OCRL: variants seen among roughly 807,000 people sequenced by gnomAD.
OCRL encodes the protein inositol polyphosphate 5-phosphatase OCRL.
In OCRL, 8 loss-of-function variants were observed where a neutral mutation model predicts 78.9. The ratio of observed to expected loss-of-function variants is 0.10; its 90% CI spans 0.06 to 0.18. The LOEUF (loss-of-function observed/expected upper bound fraction) is 0.18. Among genes scored for constraint, OCRL ranks in the 10% least tolerant of loss-of-function variants. The pLI is 1.00. For missense variants in OCRL, 454 were observed against 696.7 expected (o/e 0.65, Z 3.92); for synonymous variants, 240 against 235.4 (o/e 1.02, Z -0.18).
In OCRL at chrX:129,591,784, G is replaced by GAGTT. The variant is rs1388040742; in HGVS notation, c.*1516_*1519dup. On this transcript the variant is annotated 3_prime_UTR_variant, in exon 24 of 24. Transcript: ENST00000371113. Reference sequence around the variant, plus strand: ...TATGGCTAAACCCTTTCCTGATTGAGAGTTAAAGCAATAGGAGTCAAGTTA... The same window carrying GAGTT: ...TATGGCTAAACCCTTTCCTGATTGAGAGTTAGTTAAAGCAATAGGAGTCAAGTTA... The GAGTT allele has an allele frequency of 8.9e-6, 1 of 112,028 alleles. No individual in the cohort carries two copies. The highest frequency in any genetic ancestry group is 1.9e-5 in the Non-Finnish European group (1 of 53,173). The allele number at this position is 112,028 out of a possible 1,213,427, so 9.2% of individuals were successfully genotyped here. A position where few individuals can be genotyped will look rare whatever the true frequency, so the allele number is the denominator to read the frequency against.
rs1358069294 is a variant in OCRL at position 129,569,319 on chromosome X, G to A, written c.1522G>A (p.Val508Ile). ...CDRILWRGTNVNQLNYRSHME... is the reference protein window; with the variant it reads ...CDRILWRGTNINQLNYRSHME... ...CCGAATTCTTTGGAGAGGAACAAAT[G>A]TTAATCAGCTTAATTATCGGAGTCA... Residue 508 changes from valine to isoleucine, a missense_variant, in exon 15 of 24, where the codon GTT becomes ATT. Physicochemically the swap from Val to Ile is conservative, Grantham distance 29. Around this residue, in one of 2 missense-constraint regions of OCRL, gnomAD observed 277 missense variants for 517.1 expected, o/e 0.54. Transcript: ENST00000371113. 2.0e-5 allele frequency: 24 copies of A among 1,209,645 alleles called. No individual in the cohort carries two copies. Among genetic ancestry groups the A allele is most frequent in the Non-Finnish European group, 2.5e-5 (22 of 894,619 alleles).
intron 15 of OCRL, among the ~76,000 whole-genome samples, chrX:129,573,495 C>A (rs1275598181): frequency 8.9e-6 from 1 of 111,748 alleles, no homozygotes; most frequent in Admixed American, 9.5e-5. Flanking sequence ...GTTTTCTGTT[C>A]CTGTGTTAGT....
Position 129,557,928 on chromosome X carries a change from G to C in OCRL, c.417G>C (p.Lys139Asn). Reference protein sequence around the residue: ...SSSWYQKLDTKDKPSVFSGLL... With the variant: ...SSSWYQKLDTNDKPSVFSGLL... ...GCTGGTACCAGAAATTAGACACTAA[G>C]GACAAACCTTCTGTTTTTTCAGGTA... The change falls in exon 6 of 24, where the codon AAG becomes AAC. Residue 139 changes from lysine to asparagine, a missense_variant. Physicochemically the swap from Lys to Asn is moderately conservative, Grantham distance 94. Transcript: ENST00000371113. The C allele has an allele frequency of 1.7e-6, 2 of 1,192,892 alleles. No homozygotes were observed. Among genetic ancestry groups the C allele is most frequent in the Non-Finnish European group, 2.3e-6 (2 of 878,159 alleles).
chrX:129,583,956 A>C (rs1383872179), intron 18 of OCRL, among the ~76,000 whole-genome samples: 2 of 110,035 alleles, frequency 1.8e-5, no homozygotes, highest in Non-Finnish European at 3.8e-5. Flanking sequence ...CTCCTTCCAG[A>C]TGGCCACTGT....
Position 129,576,343 on chromosome X carries a change from G to A in OCRL, c.1906G>A (p.Val636Met), listed in dbSNP as rs1339686287. Residue 636 changes from valine (V) to methionine (M), a missense_variant, in exon 18 of 24, where the codon GTG becomes ATG. Around this residue, in one of 2 missense-constraint regions of OCRL, gnomAD observed 277 missense variants for 517.1 expected, o/e 0.54. Transcript: ENST00000371113. ...PNETVDISLDVYVSKDSVTIL... is the reference protein window; with the variant it reads ...PNETVDISLDMYVSKDSVTIL... ...TGAGACAGTGGACATTTCTCTTGAT[G>A]TGTATGTCAGCAAAGACTCTGTAAC... 2 of 1,208,369 alleles carry A rather than the reference G, an allele frequency of 1.7e-6. No homozygotes were observed. Among genetic ancestry groups the A allele is most frequent in the Admixed American group, 2.2e-5 (1 of 46,030 alleles).
intron 3 of OCRL, among the ~76,000 whole-genome samples, chrX:129,547,387 T>C (rs1037445341): frequency 1.8e-4 from 20 of 108,652 alleles, no homozygotes; most frequent in East Asian, 1.2e-3. Context: ...TAGCCGGGCA[T>C]GGTGGCGGGT....
intron 18 of OCRL, among the ~76,000 whole-genome samples, chrX:129,582,047 A>C (rs1386068467): frequency 1.8e-5 from 2 of 108,189 alleles, no homozygotes; most frequent in Admixed American, 1.0e-4. Context: ...TGACTTCAAC[A>C]TACCTTTTCA....
chrX:129,588,833 C>T, intron 21 of OCRL, 53 bp from the exon 22 acceptor site: 3 of 1,203,420 alleles, frequency 2.5e-6, no homozygotes, highest in South Asian at 1.8e-5. Flanking sequence ...CTCGTCGGGG[C>T]TCTGTGTGGC....
rs143968532 is a variant in OCRL at position 129,572,224 on chromosome X, G to A, written c.1602+2825G>A. Among the ~76,000 whole-genome samples, 10 of 111,512 alleles carry A rather than the reference G, an allele frequency of 9.0e-5. 1 individual carries two copies. The East Asian group carries it at 2.8e-3, about 31-fold the overall frequency. Reference sequence around the variant, plus strand: ...TTGTGTGTGTCTCTATATCATAAACGGTCTTATATGTATGTGTTGGTCTGC... The same window carrying A: ...TTGTGTGTGTCTCTATATCATAAACAGTCTTATATGTATGTGTTGGTCTGC... On this transcript the variant is annotated intron_variant, in intron 15 of 23. Transcript: ENST00000371113.
intron 6 of OCRL, among the ~76,000 whole-genome samples, chrX:129,558,325 A>G (rs1043796787): frequency 4.5e-5 from 5 of 112,074 alleles, no homozygotes; most frequent in Non-Finnish European, 9.4e-5. Flanking sequence ...AGTTTTTGTG[A>G]TGATTAAGTG....
At chrX:129,545,605 C>G (rs989858954) in intron 3 of OCRL, among the ~76,000 whole-genome samples, 3 of 112,044 alleles carry the variant, frequency 2.7e-5, no homozygotes, top group Admixed American at 9.5e-5. Context: ...GTTGTTTCAT[C>G]TGCTACAATG....
At chrX:129,580,746 CT>C (rs1936428252) in intron 18 of OCRL, among the ~76,000 whole-genome samples, 2 of 112,232 alleles carry the variant, frequency 1.8e-5, no homozygotes, top group Admixed American at 9.4e-5. Flanking sequence ...TATGTTTTTA[CT>C]TTGTCTTACT....
intron 4 of OCRL, 150 bp from the exon 5 acceptor site, chrX:129,557,175 C>T (rs1936065691): frequency 1.9e-6 from 1 of 517,789 alleles, no homozygotes; most frequent in African/African-American, 2.3e-5. Flanking sequence ...CATACTGACT[C>T]TCTTGATCTT....
Position 129,540,427 on chromosome X carries a change from G to A in OCRL, c.-13G>A. 8.7e-7 allele frequency: 1 copy of A among 1,155,784 alleles called. No individual in the cohort carries two copies. The highest frequency in any genetic ancestry group is 1.1e-6 in the Non-Finnish European group (1 of 871,420). On this transcript the variant is annotated 5_prime_UTR_variant, in exon 1 of 24. Transcript: ENST00000371113. ...CGCAGTCCGCTGTCCTGCTGAGCCC[G>A]GAGGCCGCCTGGATGGAGCCGCCGC...
intron 18 of OCRL, among the ~76,000 whole-genome samples, 176 bp downstream of exon 18, chrX:129,576,728 G>A (rs1299671181): frequency 8.9e-6 from 1 of 111,884 alleles, no homozygotes; most frequent in Non-Finnish European, 1.9e-5. Flanking sequence ...GGGAAAGAGG[G>A]GGGACTAATC....
In OCRL at chrX:129,562,268, G is replaced by T. The variant is rs1936155898; in HGVS notation, c.940-116G>T. ...GGTCCACTGAGAAATTAGAGGATAT[G>T]AAGTCAGATTTGGGCACTAGTATAT... On this transcript the variant is annotated intron_variant, in intron 10 of 23. Coordinates refer to ENST00000371113, the MANE Select transcript of OCRL (RefSeq NM_000276.4). The T allele has an allele frequency of 8.4e-6, 5 of 592,313 alleles. No individual in the cohort carries two copies. The African/African-American group carries it at 8.9e-5, about 10-fold the overall frequency. The allele number at this position is 592,313 out of a possible 1,213,427, so 48.8% of individuals were successfully genotyped here. A position where few individuals can be genotyped will look rare whatever the true frequency, so the allele number is the denominator to read the frequency against.
Position 129,561,085 on chromosome X carries a change from T to A in OCRL, c.825-94T>A. 8.3e-6 allele frequency: 5 copies of A among 603,234 alleles called. No homozygotes were observed. The South Asian group carries it at 9.2e-5, about 11-fold the overall frequency. 49.7% of individuals were successfully genotyped at this position (603,234 alleles called of 1,213,427 possible). On this transcript the variant is annotated intron_variant, in intron 9 of 23. Coordinates refer to ENST00000371113, the MANE Select transcript of OCRL (RefSeq NM_000276.4). ...TTCTATAAAATTTATCTCTCTCCCATCTTTTTTTCATCTAATGTTTCAACA... is the reference window on the plus strand; with the variant it reads ...TTCTATAAAATTTATCTCTCTCCCAACTTTTTTTCATCTAATGTTTCAACA...
intron 15 of OCRL, among the ~76,000 whole-genome samples, chrX:129,572,484 A>G (rs770500442): frequency 3.1e-4 from 35 of 112,898 alleles, no homozygotes; most frequent in African/African-American, 8.4e-4. Context: ...GTTTGATTTT[A>G]TTGAGTAATC....
intron 20 of OCRL, 25 bp from the exon 21 acceptor site, chrX:129,588,154 C>G (rs766710299): frequency 1.8e-6 from 2 of 1,084,866 alleles, no homozygotes; most frequent in African/African-American, 3.7e-5. Flanking sequence ...TCTTGCCTGT[C>G]CCTTCATTCT....
Sources: gnomAD v4.1 joint callset for allele counts (sites outside exome capture counted in the v4.1 genomes callset) on GRCh38, gnomAD v4.1.1 for gene constraint, gnomAD v4.1.1 regional missense constraint, MANE v1.5 for transcripts, NCBI Gene and HGNC (gene_info 2026-07-23, HGNC 2026-07-21) for gene names.